PEX14: variants seen among roughly 807,000 people sequenced by gnomAD.
The protein encoded by PEX14 is peroxisomal membrane protein PEX14.
In PEX14, 15 loss-of-function variants were observed where a neutral mutation model predicts 49.5. The observed-to-expected ratio is 0.30, with a 90% CI of 0.20 to 0.47. PEX14 has a LOEUF of 0.47. Among genes scored for constraint, PEX14 ranks in the 20% least tolerant of loss-of-function variants. PEX14 has a pLI of 1.00. For missense variants in PEX14, 398 were observed against 494.8 expected, an observed-to-expected ratio of 0.80 and a Z score of 1.86; for synonymous variants, 210 against 212.7, an observed-to-expected ratio of 0.99 and a Z score of 0.11.
At chr1:10,555,233 T>C (rs1230802928) in intron 3 of PEX14, among the ~76,000 whole-genome samples, 1 of 152,104 alleles carries the variant, frequency 6.6e-6, no homozygotes, top group Non-Finnish European at 1.5e-5. Context: ...CTATCTGCTT[T>C]TTTTTTAATT....
At chr1:10,524,617 T>C (rs1255572678) in intron 2 of PEX14, 2 of 152,944 alleles carry the variant, frequency 1.3e-5, no homozygotes, top group African/African-American at 4.8e-5. Context: ...CCATTATTGG[T>C]AGGACACAGT....
intron 3 of PEX14, among the ~76,000 whole-genome samples, chr1:10,555,845 G>A (rs1475218285): frequency 2.6e-5 from 4 of 152,204 alleles, no homozygotes; most frequent in African/African-American, 9.7e-5. Context: ...CATAACAGCA[G>A]AACTTGCTTC....
Position 10,623,192 on chromosome 1 carries a change from C to G in PEX14, c.487+71C>G. On this transcript the variant is annotated intron_variant, in intron 6 of 8. Coordinates refer to ENST00000356607, the MANE Select transcript of PEX14 (RefSeq NM_004565.3). The surrounding 1 kb of genome is among the most constrained non-coding windows in gnomAD (Gnocchi z 4.4). ...AAGCAGCCCCTTCTCTGCCCCTCCC[C>G]TCTCCCTCTGTCTCCACTCTATGTG... 1 of 943,602 alleles carries G rather than the reference C, an allele frequency of 1.1e-6. No homozygotes were observed. Among genetic ancestry groups the G allele is most frequent in the South Asian group, 1.4e-5 (1 of 72,624 alleles). The allele number at this position is 943,602 out of a possible 1,614,324, so 58.5% of individuals were successfully genotyped here. A position where few individuals can be genotyped will look rare whatever the true frequency, so the allele number is the denominator to read the frequency against.
chr1:10,557,087 A>G lies in PEX14; in HGVS notation c.169+20790A>G, dbSNP rs77496278. 3.0e-3 allele frequency among the ~76,000 whole-genome samples: 454 copies of G among 151,690 alleles called. 2 individuals carry two copies. Among genetic ancestry groups the G allele is most frequent in the African/African-American group, 0.01 (417 of 41,302 alleles). On this transcript the variant is annotated intron_variant, in intron 3 of 8. Transcript: ENST00000356607. ...CTTTTTTTTTTCCCTGCTTGATACT[A>G]GGTCTTGGATGTAACTGGTATCCAT...
chr1:10,478,168 C>T (rs114205011), intron 1 of PEX14, among the ~76,000 whole-genome samples: 6,184 of 152,142 alleles, frequency 0.041, 443 homozygotes, highest in African/African-American at 0.14. Flanking sequence ...GTATTACAGG[C>T]GTGAGCCACT....
At chr1:10,566,640 C>T (rs973885616) in intron 3 of PEX14, among the ~76,000 whole-genome samples, 6 of 152,080 alleles carry the variant, frequency 3.9e-5, no homozygotes, top group Non-Finnish European at 5.9e-5. Flanking sequence ...AGGCATGTGC[C>T]ATCATGCCTG....
At chr1:10,515,905 A>G (rs986732227) in intron 2 of PEX14, among the ~76,000 whole-genome samples, 6 of 152,184 alleles carry the variant, frequency 3.9e-5, no homozygotes, top group Non-Finnish European at 5.9e-5. Flanking sequence ...ACGATATCCT[A>G]TATTAGCCTC....
chr1:10,607,004 G>A (rs1203898294), intron 4 of PEX14, among the ~76,000 whole-genome samples: 2 of 152,084 alleles, frequency 1.3e-5, no homozygotes, highest in African/African-American at 4.8e-5. Context: ...GGTTCCCTTG[G>A]GTCCCATTTC....
intron 4 of PEX14, among the ~76,000 whole-genome samples, chr1:10,602,970 C>T (rs1024581140): frequency 6.6e-6 from 1 of 152,210 alleles, no homozygotes; most frequent in African/African-American, 2.4e-5. Context: ...CTGGGCCTAG[C>T]CCCAAACACT....
intron 2 of PEX14, among the ~76,000 whole-genome samples, chr1:10,501,543 C>T (rs566634849): frequency 1.3e-5 from 2 of 152,170 alleles, no homozygotes; most frequent in African/African-American, 4.8e-5. Flanking sequence ...CCTCGTGATC[C>T]GCCCGCCTCG....
At chr1:10,577,529 C>CATTATATATATATAT (rs1640157638) in intron 3 of PEX14, among the ~76,000 whole-genome samples, 2 of 43,014 alleles carry the variant, frequency 4.6e-5, no homozygotes, top group Non-Finnish European at 7.3e-5. Flanking sequence ...GGACACTATA[C>CATTATATATATATAT]ATATATATAT....
chr1:10,565,895 C>A (rs762189386), intron 3 of PEX14, among the ~76,000 whole-genome samples: 1 of 152,190 alleles, frequency 6.6e-6, no homozygotes, highest in African/African-American at 2.4e-5. Context: ...GTCCCAGCTA[C>A]TTGGGAGGCT....
chr1:10,553,912 C>T (rs1008908594), intron 3 of PEX14, among the ~76,000 whole-genome samples: 1 of 152,088 alleles, frequency 6.6e-6, no homozygotes, highest in African/African-American at 2.4e-5. Context: ...CGGTTAGTTC[C>T]CTGACCTTGC....
rs1641651634 is a variant in PEX14 at position 10,623,413 on chromosome 1, T to C, written c.487+292T>C. The C allele has an allele frequency of 2.6e-6, 1 of 385,284 alleles. No homozygotes were observed. Among genetic ancestry groups the C allele is most frequent in the South Asian group, 2.2e-5 (1 of 46,250 alleles). The allele number at this position is 385,284 out of a possible 1,614,324, so 23.9% of individuals were successfully genotyped here. A position where few individuals can be genotyped will look rare whatever the true frequency, so the allele number is the denominator to read the frequency against. On this transcript the variant is annotated intron_variant, in intron 6 of 8. Coordinates refer to ENST00000356607, the MANE Select transcript of PEX14 (RefSeq NM_004565.3). This position sits in a 1 kb window ranked among gnomAD's most constrained non-coding sequence, Gnocchi z 4.4. ...CTTTCTAAGGGCTGTAAAGTTCATT[T>C]TTAATTTCTGCTTCTATGAGGTTTT...
At position 10,600,369 on chromosome 1, in the gene PEX14, C is replaced by T. The variant is rs369816328; in HGVS notation, c.298+1003C>T. On this transcript the variant is annotated intron_variant, in intron 4 of 8. Transcript: ENST00000356607. ...CCGGGAGGTGGAGGTTGCAGTGAGC[C>T]GAGATCGTGCCACTGCACTCCAGAC... Among the ~76,000 whole-genome samples the T allele has an allele frequency of 2.3e-4, 35 of 152,038 alleles. No individual in the cohort carries two copies. In the East Asian group the frequency reaches 2.5e-3, roughly 11 times the overall value.
rs1387335792 is a variant in PEX14, at chr1:10,629,514, CCTT to C, written c.678-11_678-9del. On this transcript the variant is annotated splice_polypyrimidine_tract_variant and intron_variant, in intron 8 of 8. Transcript: ENST00000356607. This position sits in a 1 kb window ranked among gnomAD's most constrained non-coding sequence, Gnocchi z 8.5. ...CTGAATGCCGCCACCAACCTCCTCC[CCTT>C]CTTCTCCCTCTAGGAGGCAGTTCCC... 1.9e-6 allele frequency: 3 copies of C among 1,581,518 alleles called. No homozygotes were observed. Among genetic ancestry groups the C allele is most frequent in the East Asian group, 2.2e-5 (1 of 44,720 alleles).
At chr1:10,493,231 G>C (rs1335037053) in intron 1 of PEX14, among the ~76,000 whole-genome samples, 1 of 152,068 alleles carries the variant, frequency 6.6e-6, no homozygotes, top group African/African-American at 2.4e-5. Context: ...TGTTTACTGG[G>C]GTGAGTGGGT....
At chr1:10,624,796 C>T (rs1641698052) in intron 7 of PEX14, among the ~76,000 whole-genome samples, 1 of 152,148 alleles carries the variant, frequency 6.6e-6, no homozygotes, top group African/African-American at 2.4e-5. Context: ...AGTTAGGTTG[C>T]AGGTCACAGC....
intron 3 of PEX14, among the ~76,000 whole-genome samples, chr1:10,544,885 C>T (rs1490860154): frequency 6.6e-6 from 1 of 152,132 alleles, no homozygotes; most frequent in Non-Finnish European, 1.5e-5. Flanking sequence ...ATCGCAGCCT[C>T]CCAGGTAGCT....
Sources: gnomAD v4.1 joint callset for allele counts (sites outside exome capture counted in the v4.1 genomes callset) on GRCh38, gnomAD v4.1.1 for gene constraint, Gnocchi (gnomAD v3.1) non-coding constraint, MANE v1.5 for transcripts, NCBI Gene and HGNC (gene_info 2026-07-23, HGNC 2026-07-21) for gene names.